RBFOX1: variants seen among roughly 807,000 people sequenced by gnomAD.
The protein encoded by RBFOX1 is RNA binding protein fox-1 homolog 1.
In RBFOX1, 8 loss-of-function variants were observed where a neutral mutation model predicts 57.7. The ratio of observed to expected loss-of-function variants is 0.14; its 90% CI spans 0.08 to 0.25. RBFOX1 has a LOEUF of 0.25. Among genes scored for constraint, RBFOX1 ranks in the 10% least tolerant of loss-of-function variants. RBFOX1 has a pLI of 1.00. For synonymous variants in RBFOX1, 326 were observed against 222.4 expected (o/e 1.47, Z -4.15); for missense variants, 611 against 548.5 (o/e 1.11, Z -1.14).
intron 4 of RBFOX1, among the ~76,000 whole-genome samples, chr16:7,505,503 AC>A (rs1036734109): frequency 1.3e-5 from 2 of 152,204 alleles, no homozygotes; most frequent in Non-Finnish European, 2.9e-5. Flanking sequence ...TGGAATTATC[AC>A]CTCAGAAGTG....
At chr16:5,738,607 C>T (rs535887550) in intron 3 of RBFOX1, among the ~76,000 whole-genome samples, 1 of 136,688 alleles carries the variant, frequency 7.3e-6, no homozygotes, top group Non-Finnish European at 1.5e-5. Context: ...GTACTGCAGC[C>T]TGGGCGACAG....
intron 3 of RBFOX1, among the ~76,000 whole-genome samples, chr16:6,982,300 C>T (rs1004025286): frequency 6.6e-6 from 1 of 152,104 alleles, no homozygotes; most frequent in Non-Finnish European, 1.5e-5. Context: ...TACATTATTC[C>T]ATTTTGATCT....
At chr16:7,427,104 G>A (rs375002219) in intron 4 of RBFOX1, among the ~76,000 whole-genome samples, 6 of 152,096 alleles carry the variant, frequency 3.9e-5, no homozygotes, top group African/African-American at 9.7e-5. Flanking sequence ...TCGTGTGACC[G>A]GGGCCTGTCA....
At chr16:7,080,077 AC>A (rs200469312) in intron 4 of RBFOX1, among the ~76,000 whole-genome samples, 10,576 of 142,884 alleles carry the variant, frequency 0.074, 514 homozygotes, top group East Asian at 0.21. Flanking sequence ...ATACATATAT[AC>A]ATATGTATAT....
chr16:5,930,102 A>G (rs1342629194), intron 4 of RBFOX1, among the ~76,000 whole-genome samples: 5 of 151,428 alleles, frequency 3.3e-5, no homozygotes, highest in African/African-American at 1.2e-4. Context: ...GTGAAAGTTG[A>G]ATGGAAGGAT....
chr16:7,204,571 G>T (rs558429221), intron 4 of RBFOX1, among the ~76,000 whole-genome samples: 2 of 152,290 alleles, frequency 1.3e-5, no homozygotes, highest in East Asian at 3.9e-4. Flanking sequence ...ACTTGAGCCT[G>T]GGAGGTCAAG....
At chr16:7,212,782 A>T (rs1355694144) in intron 4 of RBFOX1, among the ~76,000 whole-genome samples, 1 of 152,196 alleles carries the variant, frequency 6.6e-6, no homozygotes, top group African/African-American at 2.4e-5. Flanking sequence ...GCACATGTAT[A>T]CCTATGTAAC....
intron 4 of RBFOX1, among the ~76,000 whole-genome samples, chr16:7,310,173 A>C (rs1196480662): frequency 6.6e-6 from 1 of 152,140 alleles, no homozygotes; most frequent in Non-Finnish European, 1.5e-5. Flanking sequence ...TAGCCAAATG[A>C]GCAATGGACC....
At chr16:5,445,312 C>T (rs538392886) in intron 1 of RBFOX1, among the ~76,000 whole-genome samples, 2 of 152,110 alleles carry the variant, frequency 1.3e-5, no homozygotes, top group Non-Finnish European at 2.9e-5. Flanking sequence ...CCTCCTCACT[C>T]TTCAAATCCT....
chr16:6,198,217 G>C (rs1296183475), intron 1 of RBFOX1, among the ~76,000 whole-genome samples: 2 of 152,132 alleles, frequency 1.3e-5, no homozygotes, highest in African/African-American at 4.8e-5. Flanking sequence ...GCTTCAGACA[G>C]ACCTTCTGAG....
chr16:7,313,905 A>G (rs1264556513), intron 4 of RBFOX1, among the ~76,000 whole-genome samples: 7 of 152,148 alleles, frequency 4.6e-5, no homozygotes, highest in African/African-American at 1.7e-4. Flanking sequence ...TGATTTACGG[A>G]GAGACCTCTG....
intron 3 of RBFOX1, among the ~76,000 whole-genome samples, chr16:5,736,204 C>T (rs992779606): frequency 9.9e-5 from 15 of 152,152 alleles, no homozygotes; most frequent in Non-Finnish European, 2.9e-5. Flanking sequence ...CCCCCCATCC[C>T]TTTTGAGCAG....
intron 6 of RBFOX1, among the ~76,000 whole-genome samples, chr16:7,584,400 C>G (rs959417542): frequency 2.0e-4 from 30 of 152,196 alleles, no homozygotes; most frequent in African/African-American, 7.2e-4. Flanking sequence ...TCAAGTGATT[C>G]TCCTGCCTCA....
chr16:6,184,463 A>C (rs1260159460), intron 1 of RBFOX1, among the ~76,000 whole-genome samples: 1 of 152,198 alleles, frequency 6.6e-6, no homozygotes, highest in Admixed American at 6.5e-5. Flanking sequence ...GTTTGGATAT[A>C]TTTCCAAAGC....
At chr16:7,147,484 C>G (rs1394261118) in intron 4 of RBFOX1, among the ~76,000 whole-genome samples, 1 of 151,960 alleles carries the variant, frequency 6.6e-6, no homozygotes, top group Non-Finnish European at 1.5e-5. Flanking sequence ...CCCTGCATCT[C>G]ATAGTCTCCA....
At chr16:5,997,354 A>G (rs1347067442) in intron 4 of RBFOX1, among the ~76,000 whole-genome samples, 2 of 152,220 alleles carry the variant, frequency 1.3e-5, no homozygotes, top group Non-Finnish European at 2.9e-5. Flanking sequence ...AGGGCAAGGT[A>G]CTTTGGTTTA....
chr16:6,369,577 G>A (rs1046337304), intron 2 of RBFOX1, among the ~76,000 whole-genome samples: 2 of 152,122 alleles, frequency 1.3e-5, no homozygotes, highest in Non-Finnish European at 2.9e-5. Flanking sequence ...CCATGTCCTC[G>A]AGGGCTGGTA....
At chr16:7,706,352 T>G (rs755525715) in intron 14 of RBFOX1, among the ~76,000 whole-genome samples, 5 of 152,230 alleles carry the variant, frequency 3.3e-5, no homozygotes, top group Admixed American at 6.5e-5. Flanking sequence ...GAGGAGTAGT[T>G]CAATGCTGCT....
intron 1 of RBFOX1, among the ~76,000 whole-genome samples, chr16:6,063,391 A>G (rs9940013): frequency 0.93 from 141,200 of 151,860 alleles, 65,722 homozygotes; most frequent in African/African-American, 0.97. Flanking sequence ...TGTGGAGCAT[A>G]TCAGGAAGAG....
Sources: gnomAD v4.1 joint callset for allele counts (sites outside exome capture counted in the v4.1 genomes callset) on GRCh38, gnomAD v4.1.1 for gene constraint, MANE v1.5 for transcripts, NCBI Gene and HGNC (gene_info 2026-07-23, HGNC 2026-07-21) for gene names.